The following ANKRD30B variants were observed in gnomAD, a reference collection of about 807,000 sequenced individuals.
ANKRD30B encodes ankyrin repeat domain-containing protein 30B.
ANKRD30B carries 144 observed loss-of-function variants against 202.2 expected under a neutral mutation model. The ratio of observed to expected loss-of-function variants is 0.71; its 90% CI spans 0.62 to 0.82. The LOEUF (loss-of-function observed/expected upper bound fraction) is 0.82, where lower values mean the gene tolerates loss of function less well. Among genes scored for constraint, ANKRD30B ranks in the 40% least tolerant of loss-of-function variants. The pLI is 0.00. For missense variants in ANKRD30B, 1,487 were observed against 1,669.1 expected, an observed-to-expected ratio of 0.89 and a Z score of 1.90; for synonymous variants, 508 against 561.3, an observed-to-expected ratio of 0.91 and a Z score of 1.34.
rs1416159633 is a variant in ANKRD30B, at chr18:14,852,309, T to A, written c.4365T>A (p.Pro1455=). The A allele has an allele frequency of 6.5e-7, 1 of 1,543,898 alleles. No homozygotes were observed. Among genetic ancestry groups the A allele is most frequent in the Admixed American group, 2.1e-5 (1 of 48,450 alleles). ...AGGTAACAATTAATATTCAGTTTCC[T>A]GAGATGAAAATGCAACGTCATCTAA... ...KSKVTINIQF[P]EMKMQRHLNE... Residue 1455 remains proline, a synonymous_variant, in exon 42 of 44, where the codon CCT becomes CCA. Transcript: ENST00000690538.
chr18:14,870,998 C>G, the ANKRD30B span, among the ~76,000 whole-genome samples: 82 of 138,096 alleles, frequency 5.9e-4, no homozygotes, highest in South Asian at 0.019. Flanking sequence ...CACCCGCCCA[C>G]CCCCACCCAC....
chr18:14,795,369 G>A (rs1968802820), intron 16 of ANKRD30B, among the ~76,000 whole-genome samples: 1 of 152,146 alleles, frequency 6.6e-6, no homozygotes, highest in African/African-American at 2.4e-5. Context: ...GATGATTTTT[G>A]TATTTTTTGT....
At chr18:14,866,621 G>T in the ANKRD30B span, among the ~76,000 whole-genome samples, 2 of 152,228 alleles carry the variant, frequency 1.3e-5, no homozygotes, top group African/African-American at 4.8e-5. Flanking sequence ...CTCTGTTAGA[G>T]TAGTAGAAAG....
chr18:14,860,365 C>T, the ANKRD30B span, among the ~76,000 whole-genome samples: 12 of 114,866 alleles, frequency 1.0e-4, no homozygotes, highest in East Asian at 2.6e-4. Flanking sequence ...CGGGCAGAGG[C>T]GCTCCTCACT....
At chr18:14,904,619 C>A in the ANKRD30B span, among the ~76,000 whole-genome samples, 61 of 152,158 alleles carry the variant, frequency 4.0e-4, no homozygotes, top group African/African-American at 1.4e-3. Context: ...CAGCTTAATC[C>A]CCCCCATCTC....
At chr18:14,872,162 T>G in the ANKRD30B span, among the ~76,000 whole-genome samples, 1 of 152,232 alleles carries the variant, frequency 6.6e-6, no homozygotes, top group Non-Finnish European at 1.5e-5. Context: ...TATGTTATTC[T>G]GACCATCTCT....
intron 12 of ANKRD30B, 142 bp from the exon 13 acceptor site, chr18:14,784,194 A>C (rs1967931319): frequency 1.2e-6 from 1 of 819,782 alleles, no homozygotes; most frequent in South Asian, 1.7e-5. Flanking sequence ...GTCCTAAACA[A>C]ACCAAAAGAA....
the ANKRD30B span, among the ~76,000 whole-genome samples, chr18:14,890,390 A>G: frequency 1.3e-5 from 2 of 151,656 alleles, no homozygotes; most frequent in African/African-American, 4.8e-5. Context: ...CTAATTTACT[A>G]TAATAATAAT....
the ANKRD30B span, among the ~76,000 whole-genome samples, chr18:14,930,924 G>T: frequency 6.6e-6 from 1 of 152,182 alleles, no homozygotes; most frequent in Non-Finnish European, 1.5e-5. Context: ...TTGGTGCTTG[G>T]AAAACTGGGG....
the ANKRD30B span, among the ~76,000 whole-genome samples, chr18:14,896,193 G>A: frequency 0.033 from 5,068 of 151,324 alleles, 135 homozygotes; most frequent in Middle Eastern, 0.054. Context: ...GTGCAGTGGC[G>A]TGATCTCGGT....
At chr18:14,939,311 C>T in the ANKRD30B span, among the ~76,000 whole-genome samples, 1 of 152,232 alleles carries the variant, frequency 6.6e-6, no homozygotes, top group African/African-American at 2.4e-5. Context: ...TCATCCTACA[C>T]TGTCCCAGTG....
At chr18:14,810,707 T>C (rs1310611629) in intron 28 of ANKRD30B, among the ~76,000 whole-genome samples, 1 of 151,182 alleles carries the variant, frequency 6.6e-6, no homozygotes, top group African/African-American at 2.4e-5. Context: ...GTTTTAGAAG[T>C]GTGACTCTAA....
At position 14,787,142 on chromosome 18, in the gene ANKRD30B, G is replaced by A. The variant is rs546694022; in HGVS notation, c.1734+42G>A. ...ATTTTTTTAAATATTAGTATTGCAT[G>A]AGATGAAAACATAAAATCAGATGCT... On this transcript the variant is annotated intron_variant, in intron 15 of 43. Transcript: ENST00000690538. 6.3e-4 allele frequency: 963 copies of A among 1,536,040 alleles called. 13 individuals are homozygous for A. The South Asian group carries it at 0.01, about 16-fold the overall frequency.
chr18:14,905,518 G>C, the ANKRD30B span: 7 of 152,336 alleles, frequency 4.6e-5, no homozygotes, highest in South Asian at 1.4e-3. Context: ...AGAAAAGGAA[G>C]GTTATGGAAG....
intron 32 of ANKRD30B, among the ~76,000 whole-genome samples, chr18:14,824,563 G>A (rs954252020): frequency 4.6e-5 from 7 of 152,182 alleles, no homozygotes; most frequent in African/African-American, 1.7e-4. Flanking sequence ...TTCTCATTTT[G>A]TAGATGAGAT....
intron 37 of ANKRD30B, among the ~76,000 whole-genome samples, chr18:14,842,217 T>G (rs1971447388): frequency 6.6e-6 from 1 of 152,232 alleles, no homozygotes; most frequent in African/African-American, 2.4e-5. Flanking sequence ...ATGCAATATT[T>G]TTTAATGAGT....
chr18:14,805,622 G>A (rs932560868), intron 24 of ANKRD30B, among the ~76,000 whole-genome samples: 5 of 150,628 alleles, frequency 3.3e-5, no homozygotes, highest in Non-Finnish European at 5.9e-5. Flanking sequence ...CATCCGAACT[G>A]TGTACTTTCT....
Position 14,787,088 on chromosome 18 carries a change from T to C in ANKRD30B, c.1722T>C (p.Ser574=), listed in dbSNP as rs1417418368. ...ESKQKDDEEN[S]WDSESPCETV... is the part of the protein sequence containing the mutation. ...AACAAAAGGACGATGAAGAAAATTC[T>C]TGGGATTCTGAGGTACTATGTGTTA... The change falls in exon 15 of 44, where the codon TCT becomes TCC. Residue 574 remains serine (S), a synonymous_variant. Coordinates refer to ENST00000690538, the MANE Select transcript of ANKRD30B (RefSeq NM_001367607.2). 6.2e-7 allele frequency: 1 copy of C among 1,609,492 alleles called. No individual in the cohort carries two copies.
rs1447436487 is a variant in ANKRD30B at position 14,834,262 on chromosome 18, C to T, written c.2847+2807C>T. Among the ~76,000 whole-genome samples, 3 of 151,786 alleles carry T rather than the reference C, an allele frequency of 2.0e-5. No individual in the cohort carries two copies. The East Asian group carries it at 5.8e-4, about 29-fold the overall frequency. ...AATTTTAAAATTTTAATTATTTCTA[C>T]AGTACTATAAACTGTGTAAGAATAA... On this transcript the variant is annotated intron_variant, in intron 34 of 43. Transcript: ENST00000690538.
Sources: gnomAD v4.1 joint callset for allele counts (sites outside exome capture counted in the v4.1 genomes callset) on GRCh38, gnomAD v4.1.1 for gene constraint, MANE v1.5 for transcripts, NCBI Gene and HGNC (gene_info 2026-07-23, HGNC 2026-07-21) for gene names.